CHST12: variants seen among roughly 807,000 people sequenced by gnomAD.
CHST12 encodes the protein carbohydrate (chondroitin 4) sulfotransferase 12.
Under a neutral mutation model 27.9 loss-of-function variants are expected in CHST12, and 23 were observed. That is an observed-to-expected ratio of 0.82 (90% CI 0.59 to 1.17). The LOEUF (loss-of-function observed/expected upper bound fraction) is 1.17. Ranked by LOEUF, CHST12 falls within the 50% of genes most tolerant of loss-of-function variation. CHST12 has a pLI of 0.00. For synonymous variants in CHST12, 322 were observed against 273.0 expected (o/e 1.18, Z -1.77); for missense variants, 682 against 603.0 (o/e 1.13, Z -1.37).
chr7:2,408,673 G>A (rs906664423), intron 1 of CHST12, among the ~76,000 whole-genome samples: 2 of 152,184 alleles, frequency 1.3e-5, no homozygotes, highest in Admixed American at 1.3e-4. Context: ...GGAGGGTAGG[G>A]TAAAGACAAC....
chr7:2,433,791 C>A lies in CHST12; in HGVS notation c.1152C>A (p.Ile384=). 6.2e-7 allele frequency: 1 copy of A among 1,614,164 alleles called. No individual in the cohort carries two copies. Among genetic ancestry groups the A allele is most frequent in the South Asian group, 1.1e-5 (1 of 91,088 alleles). ...GGGAGGAGGACTGGTTCGCCAAGAT[C>A]CCCCTGGCCTGGAGGCAGCAGCTGT... ...SSWEEDWFAK[I]PLAWRQQLYK... is the part of the protein sequence containing the mutation. Residue 384 remains isoleucine, a synonymous_variant, in exon 2 of 2, where the codon ATC becomes ATA. Transcript: ENST00000618655. This position sits in a 1 kb window ranked among gnomAD's most constrained non-coding sequence, Gnocchi z 6.1.
chr7:2,418,074 T>C (rs6972852), intron 1 of CHST12, among the ~76,000 whole-genome samples: 128,275 of 152,262 alleles, frequency 0.84, 54,375 homozygotes, highest in East Asian at 0.95. Flanking sequence ...CTGTCTGTGC[T>C]AGCTGCCTTT....
In CHST12 at chr7:2,433,507, G is replaced by A. The variant is rs749702612; in HGVS notation, c.868G>A (p.Glu290Lys). ...NHTSLPASAR[E>K]AFRAGLKVSF... is the part of the protein sequence containing the mutation. ...CACCAGCCTGCCCGCCTCGGCGCGC[G>A]AGGCCTTCCGCGCTGGCCTCAAGGT... Residue 290 changes from glutamate (E) to lysine (K), a missense_variant, in exon 2 of 2, where the codon GAG (glutamate) becomes AAG (lysine). Physicochemically the swap from Glu to Lys is moderately conservative, Grantham distance 56 (BLOSUM62 1). Transcript: ENST00000618655. The surrounding 1 kb of genome is among the most constrained non-coding windows in gnomAD (Gnocchi z 6.1). The A allele has an allele frequency of 3.7e-6, 6 of 1,612,238 alleles. No individual in the cohort carries two copies. In the African/African-American group the frequency reaches 5.3e-5, roughly 14 times the overall value.
At chr7:2,403,549 C>T (rs1472624174), upstream of CHST12, 2 of 151,342 alleles carry the variant, frequency 1.3e-5, no homozygotes, top group East Asian at 1.9e-4. Flanking sequence ...AGAAGACGAC[C>T]GGTAGGAGGG....
intron 1 of CHST12, among the ~76,000 whole-genome samples, chr7:2,405,759 G>A (rs938350009): frequency 2.2e-4 from 33 of 152,178 alleles, no homozygotes; most frequent in African/African-American, 7.2e-4. Context: ...TCTCACCTGC[G>A]ATGAGGAGCG....
chr7:2,443,681 G>A lies in CHST12; in HGVS notation c.*9797G>A, dbSNP rs1562525923. The A allele has an allele frequency of 6.6e-6, 1 of 152,216 alleles. No homozygotes were observed. The highest frequency in any genetic ancestry group is 1.5e-5 in the Non-Finnish European group (1 of 68,044). The allele number at this position is 152,216 out of a possible 1,614,324, so 9.4% of individuals were successfully genotyped here. A position where few individuals can be genotyped will look rare whatever the true frequency, so the allele number is the denominator to read the frequency against. ...TGCAGCCGAGTTTGCCTCCTTGAAT[G>A]CACACATAACACAGGAACAAAGACA... On this transcript the variant is annotated 3_prime_UTR_variant, in exon 2 of 2. Coordinates refer to ENST00000618655, the MANE Select transcript of CHST12 (RefSeq NM_018641.5).
At chr7:2,424,887 G>T (rs777386025) in intron 1 of CHST12, among the ~76,000 whole-genome samples, 2 of 152,118 alleles carry the variant, frequency 1.3e-5, no homozygotes, top group African/African-American at 4.8e-5. Flanking sequence ...GGGTGCCCCC[G>T]TGGAGGAGCA....
At chr7:2,409,137 A>G (rs1024909420) in intron 1 of CHST12, among the ~76,000 whole-genome samples, 2 of 152,200 alleles carry the variant, frequency 1.3e-5, no homozygotes, top group Admixed American at 1.3e-4. Flanking sequence ...CGCCGCAATG[A>G]TAGTAATTTA....
rs542681276 is a variant in CHST12 at position 2,417,820 on chromosome 7, A to T, written c.-78+14147A>T. 2.6e-5 allele frequency among the ~76,000 whole-genome samples: 4 copies of T among 152,368 alleles called. No individual in the cohort carries two copies. In the South Asian group the frequency reaches 8.3e-4, roughly 32 times the overall value. ...CCTCCAGAAACATGCTCACAGACGC[A>T]GTCAGAGTATGCTTAACCAAATATC... is the stretch of plus-strand genomic sequence containing the variant. On this transcript the variant is annotated intron_variant, in intron 1 of 1. Transcript: ENST00000618655.
chr7:2,406,806 T>C (rs1199010711), intron 1 of CHST12, among the ~76,000 whole-genome samples: 2 of 152,052 alleles, frequency 1.3e-5, no homozygotes, highest in African/African-American at 4.8e-5. Flanking sequence ...CCCTTAAATA[T>C]GAGCAGATAA....
At chr7:2,413,650 C>G (rs1781726982) in intron 1 of CHST12, among the ~76,000 whole-genome samples, 1 of 151,490 alleles carries the variant, frequency 6.6e-6, no homozygotes, top group African/African-American at 2.4e-5. Flanking sequence ...CTGTGGCGTT[C>G]ACCCATGAAT....
In CHST12 at chr7:2,417,344, C is replaced by A. The variant is rs1402191102; in HGVS notation, c.-78+13671C>A. On this transcript the variant is annotated intron_variant, in intron 1 of 1. Transcript: ENST00000618655. ...GGTTCAAGCAATTCTCCTGCCTCAG[C>A]CTCCTGAGTAGCTGGGTTACAGGTG... Among the ~76,000 whole-genome samples the A allele has an allele frequency of 4.6e-5, 7 of 151,548 alleles. No homozygotes were observed. The East Asian group carries it at 1.4e-3, about 29-fold the overall frequency.
chr7:2,416,015 T>G (rs182783819), intron 1 of CHST12, among the ~76,000 whole-genome samples: 1 of 152,360 alleles, frequency 6.6e-6, no homozygotes, highest in East Asian at 1.9e-4. Context: ...AACATTTTAC[T>G]TATAGTAGAA....
In CHST12 at chr7:2,434,101, TCCGCCCGCCCAC is replaced by T. The variant is rs1034045928; in HGVS notation, c.*228_*239del. The T allele has an allele frequency of 1.3e-5, 5 of 374,134 alleles. No individual in the cohort carries two copies. Among genetic ancestry groups the T allele is most frequent in the South Asian group, 6.4e-5 (1 of 15,630 alleles). The allele number at this position is 374,134 out of a possible 1,614,324, so 23.2% of individuals were successfully genotyped here. ...CTGGAGTAAAATATCCCCTCTCCCCTCCGCCCGCCCACCCGCCCGCCCGCTCGCCCGCTCGCC... is the reference window on the plus strand; with the variant it reads ...CTGGAGTAAAATATCCCCTCTCCCCTCCGCCCGCCCGCTCGCCCGCTCGCC... On this transcript the variant is annotated 3_prime_UTR_variant, in exon 2 of 2. Transcript: ENST00000618655.
At chr7:2,432,177 A>AAT (rs71026512) in intron 1 of CHST12, among the ~76,000 whole-genome samples, 1 of 140,268 alleles carries the variant, frequency 7.1e-6, no homozygotes, top group East Asian at 2.2e-4. Flanking sequence ...AAAAAAAAAA[A>AAT]TCAGCCTTGG....
rs1172737629 is a variant in CHST12, at chr7:2,437,759, C to T, written c.*3875C>T. ...ACACACACACACACACACACACTCT[C>T]TCTCACACACACATCGGGATATTTT... On this transcript the variant is annotated 3_prime_UTR_variant, in exon 2 of 2. Coordinates refer to ENST00000618655, the MANE Select transcript of CHST12 (RefSeq NM_018641.5). 3 of 152,090 alleles carry T rather than the reference C, an allele frequency of 2.0e-5. No individual in the cohort carries two copies. Among genetic ancestry groups the T allele is most frequent in the Admixed American group, 2.0e-4 (3 of 15,250 alleles). The allele number at this position is 152,090 out of a possible 1,614,324, so 9.4% of individuals were successfully genotyped here.
At chr7:2,408,877 C>G (rs1468507264) in intron 1 of CHST12, among the ~76,000 whole-genome samples, 1 of 152,292 alleles carries the variant, frequency 6.6e-6, no homozygotes, top group South Asian at 2.1e-4. Flanking sequence ...CAGACATGTC[C>G]TGACCCCAGC....
At chr7:2,406,579 C>A (rs1417816777) in intron 1 of CHST12, among the ~76,000 whole-genome samples, 3 of 151,864 alleles carry the variant, frequency 2.0e-5, no homozygotes, top group African/African-American at 4.8e-5. Context: ...GAACAGGGAC[C>A]CTTTGGCTCC....
intron 1 of CHST12, among the ~76,000 whole-genome samples, chr7:2,410,573 G>A (rs1254431725): frequency 6.6e-6 from 1 of 152,158 alleles, no homozygotes; most frequent in Non-Finnish European, 1.5e-5. Flanking sequence ...ACCAGGGTAT[G>A]GGGAGTGCAG....
Sources: gnomAD v4.1 joint callset for allele counts (sites outside exome capture counted in the v4.1 genomes callset) on GRCh38, gnomAD v4.1.1 for gene constraint, Gnocchi (gnomAD v3.1) non-coding constraint, MANE v1.5 for transcripts, NCBI Gene and HGNC (gene_info 2026-07-23, HGNC 2026-07-21) for gene names.